The following H2BN1 variants were observed in gnomAD, a reference collection of about 807,000 sequenced individuals.
H2BN1 encodes the protein histone H2B.N.
the H2BN1 span, among the ~76,000 whole-genome samples, chr17:32,902,112 G>GAAA: frequency 1.4e-5 from 2 of 141,732 alleles, no homozygotes; most frequent in Non-Finnish European, 3.1e-5. Flanking sequence ...CTTTCTTACC[G>GAAA]AAAAAAAAAA....
At chr17:32,896,067 TG>T in the H2BN1 span, among the ~76,000 whole-genome samples, 1 of 152,074 alleles carries the variant, frequency 6.6e-6, no homozygotes, top group Admixed American at 6.6e-5. Context: ...CTAGCTAATT[TG>T]CTTGTCTGTT....
chr17:32,899,684 G>A, the H2BN1 span, among the ~76,000 whole-genome samples: 1 of 152,200 alleles, frequency 6.6e-6, no homozygotes, highest in South Asian at 2.1e-4. Context: ...GTAAATTCTG[G>A]AGAAGTCAGA....
the H2BN1 span, among the ~76,000 whole-genome samples, chr17:32,897,777 G>A: frequency 5.8e-4 from 88 of 152,282 alleles, no homozygotes; most frequent in Non-Finnish European, 9.6e-4. Context: ...GGACACATCC[G>A]AGGAAGACCA....
chr17:32,898,061 C>A, the H2BN1 span, among the ~76,000 whole-genome samples: 3 of 152,210 alleles, frequency 2.0e-5, no homozygotes. Flanking sequence ...CCGTCCCTCT[C>A]TTCTTTCTCA....
the H2BN1 span, chr17:32,905,869 G>A: frequency 1.2e-4 from 18 of 152,106 alleles, no homozygotes; most frequent in African/African-American, 4.1e-4. Context: ...CTCAGTAGAG[G>A]GGTGACTTTG....
the H2BN1 span, among the ~76,000 whole-genome samples, chr17:32,897,679 ATGGATAGGATCTGAAGAGTG>A: frequency 2.4e-4 from 36 of 152,258 alleles, no homozygotes; most frequent in Non-Finnish European, 4.6e-4. Flanking sequence ...GCCTTACAGG[ATGGATAGGATCTGAAGAGTG>A]CTGTTGAGTG....
the H2BN1 span, among the ~76,000 whole-genome samples, chr17:32,899,586 C>T: frequency 2.0e-5 from 3 of 152,254 alleles, no homozygotes; most frequent in South Asian, 2.1e-4. Flanking sequence ...TTTCTCTAGT[C>T]GTGTCCTGTT....
the H2BN1 span, among the ~76,000 whole-genome samples, chr17:32,901,344 T>G: frequency 3.4e-3 from 519 of 152,308 alleles, 3 homozygotes; most frequent in African/African-American, 0.012. Context: ...TGGTCTTGTA[T>G]CAGTGTGTCT....
At chr17:32,902,303 C>T in the H2BN1 span, among the ~76,000 whole-genome samples, 5 of 152,242 alleles carry the variant, frequency 3.3e-5, no homozygotes, top group South Asian at 4.1e-4. Context: ...AAAATTATAA[C>T]TGAGACAGTG....
the H2BN1 span, among the ~76,000 whole-genome samples, chr17:32,901,045 TAAA>T: frequency 6.6e-6 from 1 of 151,950 alleles, no homozygotes; most frequent in Non-Finnish European, 1.5e-5. Flanking sequence ...CTGTCTCTAC[TAAA>T]AATACAAAAA....
At chr17:32,901,259 C>G in the H2BN1 span, among the ~76,000 whole-genome samples, 1 of 151,910 alleles carries the variant, frequency 6.6e-6, no homozygotes, top group East Asian at 1.9e-4. Context: ...TTCCATAAAC[C>G]TTTTATAACT....
the H2BN1 span, among the ~76,000 whole-genome samples, chr17:32,898,449 T>A: frequency 2.0e-5 from 3 of 152,184 alleles, no homozygotes; most frequent in African/African-American, 7.2e-5. Flanking sequence ...TATATCTCAG[T>A]GAGTAGAGCA....
At chr17:32,899,220 T>A in the H2BN1 span, among the ~76,000 whole-genome samples, 2 of 152,284 alleles carry the variant, frequency 1.3e-5, no homozygotes, top group Admixed American at 6.5e-5. Flanking sequence ...GCAAGAAAAA[T>A]TTTTTAACAT....
chr17:32,904,266 T>C, the H2BN1 span, among the ~76,000 whole-genome samples: 49 of 152,320 alleles, frequency 3.2e-4, no homozygotes, highest in African/African-American at 1.0e-3. Context: ...CAGTTCCTCA[T>C]GTAAATGTAC....
chr17:32,905,712 C>T, the H2BN1 span: 1 of 152,230 alleles, frequency 6.6e-6, no homozygotes, highest in South Asian at 2.1e-4. Flanking sequence ...TTGGTTCCAT[C>T]TGGAAAGGGG....
chr17:32,901,202 G>A, the H2BN1 span, among the ~76,000 whole-genome samples: 3 of 151,962 alleles, frequency 2.0e-5, no homozygotes. Context: ...GTGAGACTCT[G>A]TGTCAAAAAA....
the H2BN1 span, among the ~76,000 whole-genome samples, chr17:32,903,334 G>C: frequency 5.3e-5 from 8 of 151,878 alleles, no homozygotes; most frequent in African/African-American, 1.9e-4. Flanking sequence ...ATTATCTTAG[G>C]CACTTGTCAG....
the H2BN1 span, among the ~76,000 whole-genome samples, chr17:32,897,358 T>TACACACACACAC: frequency 0.025 from 3,070 of 123,972 alleles, 107 homozygotes; most frequent in African/African-American, 0.069. Flanking sequence ...CTCTCTGTCT[T>TACACACACACAC]ACACACACAC....
chr17:32,896,402 A>G, the H2BN1 span, among the ~76,000 whole-genome samples: 1 of 152,176 alleles, frequency 6.6e-6, no homozygotes, highest in African/African-American at 2.4e-5. Context: ...ACCCCGTGGC[A>G]TAAGAAATTG....
Sources: gnomAD v4.1 joint callset for allele counts (sites outside exome capture counted in the v4.1 genomes callset) on GRCh38, gnomAD v4.1.1 for gene constraint, MANE v1.5 for transcripts, NCBI Gene and HGNC (gene_info 2026-07-23, HGNC 2026-07-21) for gene names.